The following SPATA17 variants were observed in gnomAD, a reference collection of about 807,000 sequenced individuals.
SPATA17 encodes the protein spermatogenesis associated 17.
In SPATA17, 53 loss-of-function variants were observed where a neutral mutation model predicts 62.2. That is an observed-to-expected ratio of 0.85 (90% CI 0.68 to 1.07). The LOEUF (loss-of-function observed/expected upper bound fraction) is 1.07. Ranked by LOEUF, SPATA17 falls within the 50% of genes least tolerant of loss-of-function variation. The pLI is 0.00. For missense variants in SPATA17, 466 were observed against 425.5 expected (o/e 1.10, Z -0.84); for synonymous variants, 146 against 146.8 (o/e 0.99, Z 0.04).
rs1207017003 is a variant in SPATA17 at position 217,862,874 on chromosome 1, G to A, written c.*2+18G>A. The A allele has an allele frequency of 6.6e-7, 1 of 1,510,340 alleles. No homozygotes were observed. Among genetic ancestry groups the A allele is most frequent in the South Asian group, 1.2e-5 (1 of 80,620 alleles). 93.6% of individuals were successfully genotyped at this position (1,510,340 alleles called of 1,614,324 possible). A position where few individuals can be genotyped will look rare whatever the true frequency, so the allele number is the denominator to read the frequency against. ...GTATAAAGGTATGACTTTTTGCTAA[G>A]AAGTAATTCAAAAAGTATATTAAAT... On this transcript the variant is annotated intron_variant, in intron 10 of 10. Transcript: ENST00000366933.
Position 217,680,549 on chromosome 1 carries a change from T to C in SPATA17, c.292-2709T>C, listed in dbSNP as rs536812363. Among the ~76,000 whole-genome samples, 55 of 152,250 alleles carry C rather than the reference T, an allele frequency of 3.6e-4. 1 individual carries two copies. The highest frequency in any genetic ancestry group is 1.2e-3 in the African/African-American group (48 of 41,556). ...TTTTTTAAAGAATTGATCTGGCAAATAAGATCACTTGAGAAGTATTTTGAA... is the reference window on the plus strand; with the variant it reads ...TTTTTTAAAGAATTGATCTGGCAAACAAGATCACTTGAGAAGTATTTTGAA... On this transcript the variant is annotated intron_variant, in intron 4 of 10. Transcript: ENST00000366933.
intron 6 of SPATA17, among the ~76,000 whole-genome samples, chr1:217,747,461 G>C (rs1404628393): frequency 6.6e-6 from 1 of 151,994 alleles, no homozygotes; most frequent in Non-Finnish European, 1.5e-5. Flanking sequence ...CTGGAGATTA[G>C]AAAAATTACA....
At chr1:217,727,302 T>A (rs183982253) in intron 5 of SPATA17, among the ~76,000 whole-genome samples, 150 of 149,190 alleles carry the variant, frequency 1.0e-3, no homozygotes, top group African/African-American at 3.4e-3. Context: ...CAAAAAACTG[T>A]TATTCTTATA....
intron 5 of SPATA17, among the ~76,000 whole-genome samples, chr1:217,705,189 A>G (rs1288152134): frequency 1.3e-5 from 2 of 152,134 alleles, no homozygotes; most frequent in Admixed American, 6.6e-5. Context: ...CATGTTGGCC[A>G]CATGAATATC....
At chr1:217,649,121 ATACAT>A in intron 2 of SPATA17, 150 bp downstream of exon 2, 1 of 566,016 alleles carries the variant, frequency 1.8e-6, no homozygotes. Context: ...TTTAAAAGAA[ATACAT>A]AGTATTTCTG....
At chr1:217,754,071 A>C (rs1672979710) in intron 6 of SPATA17, among the ~76,000 whole-genome samples, 1 of 151,990 alleles carries the variant, frequency 6.6e-6, no homozygotes, top group Non-Finnish European at 1.5e-5. Flanking sequence ...CACCATCTCT[A>C]CAAAAAAAAA....
In SPATA17 at chr1:217,773,150, G is replaced by T. The variant is rs1378185411; in HGVS notation, c.520-1184G>T. Among the ~76,000 whole-genome samples the T allele has an allele frequency of 2.6e-5, 4 of 152,258 alleles. No homozygotes were observed. The South Asian group carries it at 6.2e-4, about 24-fold the overall frequency. ...AGGTTAACACTTATTGCTGAGTTAG[G>T]CTGGAAATTTACACTTTTCTTAGGT... On this transcript the variant is annotated intron_variant, in intron 6 of 10. Transcript: ENST00000366933.
At chr1:217,850,841 T>C (rs902430660) in intron 9 of SPATA17, among the ~76,000 whole-genome samples, 4 of 151,980 alleles carry the variant, frequency 2.6e-5, no homozygotes, top group African/African-American at 9.7e-5. Flanking sequence ...AACCTTACCA[T>C]CTAGTGGATG....
At chr1:217,743,830 A>G (rs71645501) in intron 6 of SPATA17, among the ~76,000 whole-genome samples, 4 of 152,040 alleles carry the variant, frequency 2.6e-5, no homozygotes, top group African/African-American at 9.7e-5. Context: ...GCTGGTCTTG[A>G]TCTCCTGACC....
intron 9 of SPATA17, among the ~76,000 whole-genome samples, chr1:217,832,204 A>C (rs1675159167): frequency 6.6e-6 from 1 of 152,134 alleles, no homozygotes; most frequent in Non-Finnish European, 1.5e-5. Context: ...AAGAAGTACA[A>C]AATACCACAT....
At position 217,861,933 on chromosome 1, in the gene SPATA17, C is replaced by T. The variant is rs148673690; in HGVS notation, c.1006-841C>T. 7.5e-3 allele frequency among the ~76,000 whole-genome samples: 1,137 copies of T among 152,088 alleles called. 6 individuals carry two copies. Among genetic ancestry groups the T allele is most frequent in the African/African-American group, 0.017 (706 of 41,498 alleles). ...GGCTTTGCTGTACCAGAGTGGAGACCGTGATCTCTAGTGACAGAGACACCC... is the reference window on the plus strand; with the variant it reads ...GGCTTTGCTGTACCAGAGTGGAGACTGTGATCTCTAGTGACAGAGACACCC... On this transcript the variant is annotated intron_variant, in intron 9 of 10. Coordinates refer to ENST00000366933, the MANE Select transcript of SPATA17 (RefSeq NM_138796.4).
At chr1:217,777,828 G>A (rs1416073543) in intron 7 of SPATA17, among the ~76,000 whole-genome samples, 1 of 152,108 alleles carries the variant, frequency 6.6e-6, no homozygotes, top group Non-Finnish European at 1.5e-5. Context: ...GAGATAGTAG[G>A]AAAATTTTCA....
In SPATA17 at chr1:217,870,262, T is replaced by G. The variant is rs1676104555; in HGVS notation, c.*3243T>G. The G allele has an allele frequency of 6.6e-6, 1 of 152,160 alleles. No homozygotes were observed. Among genetic ancestry groups the G allele is most frequent in the Admixed American group, 6.6e-5 (1 of 15,264 alleles). The allele number at this position is 152,160 out of a possible 1,614,324, so 9.4% of individuals were successfully genotyped here. A position where few individuals can be genotyped will look rare whatever the true frequency, so the allele number is the denominator to read the frequency against. On this transcript the variant is annotated 3_prime_UTR_variant, in exon 11 of 11. Transcript: ENST00000366933. ...CTCAGATAAAAACTTTGAAGCATTT[T>G]ATTGTTCAGAATATGACTTTGATCT...
chr1:217,658,028 T>A (rs984120336), intron 3 of SPATA17, among the ~76,000 whole-genome samples: 1 of 152,188 alleles, frequency 6.6e-6, no homozygotes, highest in Non-Finnish European at 1.5e-5. Context: ...GAGGACAGTA[T>A]GAGGAAAACT....
chr1:217,783,477 A>G (rs1056588463), intron 8 of SPATA17, among the ~76,000 whole-genome samples: 11 of 152,052 alleles, frequency 7.2e-5, no homozygotes, highest in Non-Finnish European at 1.3e-4. Flanking sequence ...AACCCAACAT[A>G]TGATGAGTAA....
intron 1 of SPATA17, among the ~76,000 whole-genome samples, chr1:217,636,450 G>A (rs1244141610): frequency 6.6e-6 from 1 of 152,078 alleles, no homozygotes; most frequent in African/African-American, 2.4e-5. Flanking sequence ...GTCTCGCTCT[G>A]TTGCCCAGGC....
At chr1:217,792,094 T>G (rs950187096) in intron 8 of SPATA17, among the ~76,000 whole-genome samples, 1 of 152,156 alleles carries the variant, frequency 6.6e-6, no homozygotes, top group Non-Finnish European at 1.5e-5. Context: ...ACAAATAATT[T>G]TTAAATGTTT....
intron 3 of SPATA17, among the ~76,000 whole-genome samples, chr1:217,665,980 C>T (rs1258451751): frequency 2.6e-5 from 4 of 152,166 alleles, no homozygotes; most frequent in African/African-American, 9.7e-5. Flanking sequence ...AAATGCAAGA[C>T]ATCAATTCTC....
chr1:217,662,154 T>A (rs1670586098), intron 3 of SPATA17, among the ~76,000 whole-genome samples: 1 of 152,208 alleles, frequency 6.6e-6, no homozygotes, highest in South Asian at 2.1e-4. Context: ...CCTTCCTTTT[T>A]TATATTTTGT....
Sources: gnomAD v4.1 joint callset for allele counts (sites outside exome capture counted in the v4.1 genomes callset) on GRCh38, gnomAD v4.1.1 for gene constraint, MANE v1.5 for transcripts, NCBI Gene and HGNC (gene_info 2026-07-23, HGNC 2026-07-21) for gene names.